L3MBTL4: variants seen among roughly 807,000 people sequenced by gnomAD.
The protein encoded by L3MBTL4 is L3MBTL histone methyl-lysine binding protein 4.
A neutral mutation model predicts 84.5 loss-of-function variants in L3MBTL4; 70 were observed. The observed-to-expected ratio is 0.83, with a 90% CI of 0.68 to 1.01. The LOEUF is 1.01. L3MBTL4 is among the 50% of genes least tolerant of loss of function. The pLI is 0.00. For missense variants in L3MBTL4, 715 were observed against 754.8 expected (o/e 0.95, Z 0.62); for synonymous variants, 274 against 259.8 (o/e 1.05, Z -0.52).
intron 13 of L3MBTL4, among the ~76,000 whole-genome samples, chr18:6,163,763 A>G (rs1002595509): frequency 3.3e-5 from 5 of 152,194 alleles, no homozygotes; most frequent in African/African-American, 7.2e-5. Flanking sequence ...GTGACGCAGA[A>G]GACAGGAAAT....
chr18:6,295,291 A>G (rs1293054591), intron 4 of L3MBTL4, among the ~76,000 whole-genome samples: 1 of 146,676 alleles, frequency 6.8e-6, no homozygotes, highest in Non-Finnish European at 1.5e-5. Context: ...AACAACAGCA[A>G]CAACAACAAC....
At chr18:6,025,291 A>C (rs1222859205) in intron 16 of L3MBTL4, 1 of 152,206 alleles carries the variant, frequency 6.6e-6, no homozygotes, top group African/African-American at 2.4e-5. Flanking sequence ...TTTGGTTAAG[A>C]AGAGTCACCT....
intron 17 of L3MBTL4, among the ~76,000 whole-genome samples, chr18:5,968,716 T>G (rs1303330939): frequency 2.0e-5 from 3 of 149,290 alleles, no homozygotes. Flanking sequence ...TAAAATAAAA[T>G]AAAATAAAAT....
intron 16 of L3MBTL4, among the ~76,000 whole-genome samples, chr18:6,079,409 A>G (rs1482526038): frequency 1.3e-5 from 2 of 152,200 alleles, no homozygotes; most frequent in African/African-American, 4.8e-5. Context: ...GAGGAAACGG[A>G]TATGTTTAAA....
At chr18:6,220,555 A>T (rs2046509502) in intron 10 of L3MBTL4, among the ~76,000 whole-genome samples, 1 of 151,970 alleles carries the variant, frequency 6.6e-6, no homozygotes, top group Admixed American at 6.6e-5. Flanking sequence ...TCCTAACCCC[A>T]TTACTTGCCT....
intron 11 of L3MBTL4, among the ~76,000 whole-genome samples, chr18:6,214,267 G>A (rs2046235353): frequency 6.6e-6 from 1 of 152,004 alleles, no homozygotes; most frequent in Non-Finnish European, 1.5e-5. Flanking sequence ...CAGATCACCT[G>A]AGGTGATCTT....
intron 12 of L3MBTL4, among the ~76,000 whole-genome samples, chr18:6,186,853 G>C (rs1182136409): frequency 2.6e-5 from 4 of 152,202 alleles, no homozygotes; most frequent in African/African-American, 9.6e-5. Flanking sequence ...GGGCTGTGAG[G>C]GGTGGCTTGG....
intron 16 of L3MBTL4, among the ~76,000 whole-genome samples, chr18:5,992,984 C>G (rs1185566292): frequency 6.6e-6 from 1 of 152,142 alleles, no homozygotes; most frequent in African/African-American, 2.4e-5. Context: ...GATCTGATTT[C>G]GATTCCAGAA....
intron 1 of L3MBTL4, among the ~76,000 whole-genome samples, chr18:6,350,628 A>G (rs2053137736): frequency 6.6e-6 from 1 of 152,200 alleles, no homozygotes; most frequent in Non-Finnish European, 1.5e-5. Flanking sequence ...GCAAGTGGGA[A>G]TGTAAAATGG....
At chr18:6,408,757 C>A (rs1193596153) in intron 1 of L3MBTL4, among the ~76,000 whole-genome samples, 1 of 151,784 alleles carries the variant, frequency 6.6e-6, no homozygotes, top group Non-Finnish European at 1.5e-5. Flanking sequence ...TCTCGGCTCA[C>A]TGCAACCCCC....
intron 1 of L3MBTL4, among the ~76,000 whole-genome samples, chr18:6,347,587 A>G (rs2052975116): frequency 1.3e-5 from 2 of 151,922 alleles, no homozygotes; most frequent in South Asian, 4.1e-4. Flanking sequence ...GATACAAAAA[A>G]CCAACTGACA....
intron 5 of L3MBTL4, among the ~76,000 whole-genome samples, chr18:6,252,628 A>G (rs2146257301): frequency 6.6e-6 from 1 of 152,314 alleles, no homozygotes; most frequent in East Asian, 1.9e-4. Context: ...ATCAACACAT[A>G]CACATAATCA....
At chr18:6,085,432 G>T (rs75700109) in intron 15 of L3MBTL4, among the ~76,000 whole-genome samples, 4,781 of 152,292 alleles carry the variant, frequency 0.031, 120 homozygotes, top group African/African-American at 0.067. Context: ...AATGTACATT[G>T]ATATGGTTAG....
chr18:5,972,064 AG>A (rs2052665771), intron 16 of L3MBTL4, among the ~76,000 whole-genome samples: 1 of 152,184 alleles, frequency 6.6e-6, no homozygotes, highest in Non-Finnish European at 1.5e-5. Flanking sequence ...TATATGCCAA[AG>A]GGAGTCCTGC....
chr18:6,117,000 C>T (rs2059380203), intron 14 of L3MBTL4, among the ~76,000 whole-genome samples: 1 of 152,224 alleles, frequency 6.6e-6, no homozygotes, highest in Non-Finnish European at 1.5e-5. Flanking sequence ...CTTTGCATTA[C>T]ACCATATGCA....
At chr18:5,993,761 G>A (rs2053814253) in intron 16 of L3MBTL4, among the ~76,000 whole-genome samples, 1 of 152,046 alleles carries the variant, frequency 6.6e-6, no homozygotes, top group Non-Finnish European at 1.5e-5. Context: ...TTGAATTGTG[G>A]TTATAGCCAT....
intron 14 of L3MBTL4, among the ~76,000 whole-genome samples, chr18:6,123,929 G>A (rs895720792): frequency 2.0e-5 from 3 of 152,196 alleles, no homozygotes; most frequent in Admixed American, 1.3e-4. Flanking sequence ...GGATCAACGA[G>A]TGTGTGAACT....
intron 16 of L3MBTL4, among the ~76,000 whole-genome samples, chr18:6,004,237 T>C (rs934910551): frequency 4.0e-5 from 6 of 151,868 alleles, no homozygotes; most frequent in African/African-American, 1.5e-4. Context: ...TATAAGAGAG[T>C]AGTGTGAACG....
intron 16 of L3MBTL4, chr18:6,032,416 AATCTGCAT>A: frequency 6.3e-6 from 4 of 632,662 alleles, no homozygotes; most frequent in Non-Finnish European, 7.9e-6. Context: ...ACACACACAC[AATCTGCAT>A]CAAAATAATA....
Sources: gnomAD v4.1 joint callset for allele counts (sites outside exome capture counted in the v4.1 genomes callset) on GRCh38, gnomAD v4.1.1 for gene constraint, MANE v1.5 for transcripts, NCBI Gene and HGNC (gene_info 2026-07-23, HGNC 2026-07-21) for gene names.